Variants in LCA5 observed in about 807,000 individuals in gnomAD.
LCA5 encodes the protein lebercilin LCA5.
LCA5 carries 37 observed loss-of-function variants against 53.0 expected under a neutral mutation model. The ratio of observed to expected loss-of-function variants is 0.70; its 90% CI spans 0.54 to 0.92. LCA5 has a LOEUF of 0.92. Among genes scored for constraint, LCA5 ranks in the 40% least tolerant of loss-of-function variants. The pLI, the probability that LCA5 is intolerant of heterozygous loss-of-function variation, is 0.00. For synonymous variants in LCA5, 303 were observed against 282.9 expected (o/e 1.07, Z -0.71); for missense variants, 806 against 790.5 (o/e 1.02, Z -0.23).
intron 3 of LCA5, among the ~76,000 whole-genome samples, chr6:79,502,729 T>G (rs1770175701): frequency 6.6e-6 from 1 of 152,174 alleles, no homozygotes; most frequent in South Asian, 2.1e-4. Context: ...TATACTATTA[T>G]AAGAGGAACC....
chr6:79,518,210 A>T (rs1766501216), intron 2 of LCA5, among the ~76,000 whole-genome samples: 1 of 152,182 alleles, frequency 6.6e-6, no homozygotes, highest in African/African-American at 2.4e-5. Context: ...TTCAAAAGAA[A>T]GCAAATTAGA....
upstream of LCA5, chr6:79,537,602 AG>A (rs1767192786): frequency 2.0e-5 from 3 of 152,228 alleles, no homozygotes; most frequent in Admixed American, 2.0e-4. Context: ...ACCCCCAAGT[AG>A]GGAAATTGGG....
chr6:79,519,529 C>T (rs1461427018), intron 1 of LCA5, among the ~76,000 whole-genome samples: 1 of 151,566 alleles, frequency 6.6e-6, no homozygotes, highest in Non-Finnish European at 1.5e-5. Flanking sequence ...GTCAAGAAAC[C>T]AACAAGGTGA....
intron 3 of LCA5, among the ~76,000 whole-genome samples, chr6:79,511,744 T>G (rs374407186): frequency 1.3e-5 from 2 of 152,082 alleles, no homozygotes; most frequent in Non-Finnish European, 2.9e-5. Flanking sequence ...ATAAAAATTT[T>G]AAAAACTTCC....
At chr6:79,528,660 G>A (rs1189872226) in intron 1 of LCA5, among the ~76,000 whole-genome samples, 4 of 152,116 alleles carry the variant, frequency 2.6e-5, no homozygotes, top group Non-Finnish European at 4.4e-5. Flanking sequence ...CTAGGTTTAC[G>A]TCAGCACTCT....
At chr6:79,518,330 TTA>T (rs1473123777) in intron 2 of LCA5, among the ~76,000 whole-genome samples, 2 of 152,116 alleles carry the variant, frequency 1.3e-5, no homozygotes, top group Non-Finnish European at 2.9e-5. Context: ...CTTAACCACT[TTA>T]TGTCGATGCT....
chr6:79,526,614 A>G (rs1017334192), intron 1 of LCA5, among the ~76,000 whole-genome samples: 3 of 152,266 alleles, frequency 2.0e-5, no homozygotes, highest in Non-Finnish European at 4.4e-5. Flanking sequence ...AATTCAGACA[A>G]TGGGAGCCCC....
chr6:79,530,378 G>A (rs1201100894), intron 1 of LCA5, among the ~76,000 whole-genome samples: 1 of 152,084 alleles, frequency 6.6e-6, no homozygotes, highest in African/African-American at 2.4e-5. Flanking sequence ...TGGGATGAGG[G>A]AGGAGATTAG....
intron 1 of LCA5, among the ~76,000 whole-genome samples, chr6:79,528,634 C>T (rs1766864277): frequency 6.6e-6 from 1 of 152,030 alleles, no homozygotes; most frequent in South Asian, 2.1e-4. Context: ...ACTTAAGGCC[C>T]GAAACCAAAT....
intron 1 of LCA5, among the ~76,000 whole-genome samples, chr6:79,530,213 C>CGT (rs1336223306): frequency 2.6e-5 from 4 of 152,034 alleles, no homozygotes; most frequent in Non-Finnish European, 5.9e-5. Context: ...ATGGTTTGTG[C>CGT]TAACTCAAGT....
chr6:79,496,235 G>A lies in LCA5; in HGVS notation c.721-2485C>T, dbSNP rs181858625. Among the ~76,000 whole-genome samples the A allele has an allele frequency of 8.5e-5, 13 of 152,248 alleles. No homozygotes were observed. In the East Asian group the frequency reaches 1.9e-3, roughly 23 times the overall value. On this transcript the variant is annotated intron_variant, in intron 3 of 7. Coordinates refer to ENST00000369846, the MANE Select transcript of LCA5 (RefSeq NM_001122769.3). ...GAACTCTCATACACTTTTGTTTTGCGGATGTATAATGGTACAACCATTTTG... is the reference window on the plus strand; with the variant it reads ...GAACTCTCATACACTTTTGTTTTGCAGATGTATAATGGTACAACCATTTTG...
intron 2 of LCA5, among the ~76,000 whole-genome samples, chr6:79,514,667 A>T (rs1382354159): frequency 6.6e-6 from 1 of 152,188 alleles, no homozygotes; most frequent in Non-Finnish European, 1.5e-5. Flanking sequence ...TACACCATGG[A>T]ATACTATACA....
At chr6:79,490,463 T>A (rs951381123) in intron 6 of LCA5, among the ~76,000 whole-genome samples, 1 of 152,156 alleles carries the variant, frequency 6.6e-6, no homozygotes, top group Non-Finnish European at 1.5e-5. Flanking sequence ...TATACTCTTA[T>A]ACTCTTTTCA....
chr6:79,487,921 T>C (rs1354587029), intron 7 of LCA5, 55 bp from the exon 8 acceptor site: 8 of 1,327,778 alleles, frequency 6.0e-6, no homozygotes, highest in Non-Finnish European at 7.4e-6. Flanking sequence ...TATTTTTAAA[T>C]AGGAAAACTA....
At chr6:79,502,197 T>C (rs1345635040) in intron 3 of LCA5, among the ~76,000 whole-genome samples, 1 of 152,184 alleles carries the variant, frequency 6.6e-6, no homozygotes, top group Non-Finnish European at 1.5e-5. Flanking sequence ...AGAAAAGCTC[T>C]GGAATCACAT....
Position 79,529,864 on chromosome 6 carries a change from C to A in LCA5, c.-192+7301G>T, listed in dbSNP as rs988644185. Among the ~76,000 whole-genome samples, 13 of 149,758 alleles carry A rather than the reference C, an allele frequency of 8.7e-5. 1 individual carries two copies. The highest frequency in any genetic ancestry group is 2.5e-4 in the African/African-American group (10 of 40,654). ...CAAACTATTGCAAGGACAAAAAAAACCAAACACCGCATGTTCTCACTTATA... is the reference window on the plus strand; with the variant it reads ...CAAACTATTGCAAGGACAAAAAAAAACAAACACCGCATGTTCTCACTTATA... On this transcript the variant is annotated intron_variant, in intron 1 of 7. Coordinates refer to ENST00000369846, the MANE Select transcript of LCA5 (RefSeq NM_001122769.3).
chr6:79,525,610 T>A (rs1448684335), intron 1 of LCA5, among the ~76,000 whole-genome samples: 1 of 152,186 alleles, frequency 6.6e-6, no homozygotes, highest in Non-Finnish European at 1.5e-5. Context: ...AAGAGTCCAT[T>A]CCTAGGACAC....
At chr6:79,513,001 G>T (rs1416348962) in intron 3 of LCA5, 1 of 589,084 alleles carries the variant, frequency 1.7e-6, no homozygotes, top group African/African-American at 1.9e-5. Context: ...AAATGACTAT[G>T]ATCCGTCAAT....
chr6:79,492,639 C>T lies in LCA5; in HGVS notation c.867G>A (p.Glu289=). The change falls in exon 5 of 8, where the codon GAG becomes GAA. Residue 289 remains glutamate, a synonymous_variant. Transcript: ENST00000369846. ...ATATATTTTTTATATCCAGTTCTCT[C>T]TCCTTTTCCTGAAAACAAACGCAAT... is the stretch of plus-strand genomic sequence containing the variant. The part of the protein sequence containing the change: ...QRLYHKLKEK[E]RELDIKNIYS... 2 of 1,513,180 alleles carry T rather than the reference C, an allele frequency of 1.3e-6. No individual in the cohort carries two copies. The highest frequency in any genetic ancestry group is 1.8e-6 in the Non-Finnish European group (2 of 1,099,412). The allele number at this position is 1,513,180 out of a possible 1,614,324, so 93.7% of individuals were successfully genotyped here.
Sources: gnomAD v4.1 joint callset for allele counts (sites outside exome capture counted in the v4.1 genomes callset) on GRCh38, gnomAD v4.1.1 for gene constraint, MANE v1.5 for transcripts, NCBI Gene and HGNC (gene_info 2026-07-23, HGNC 2026-07-21) for gene names.